Variants in FHIT observed in about 807,000 individuals in gnomAD.
The protein encoded by FHIT is fragile histidine triad diadenosine triphosphatase.
In FHIT, 19 loss-of-function variants were observed where a neutral mutation model predicts 17.9. The observed-to-expected ratio is 1.06, with a 90% confidence interval of 0.74 to 1.56. The LOEUF (loss-of-function observed/expected upper bound fraction) is 1.56, where lower values mean the gene tolerates loss of function less well. FHIT is among the 40% of genes most tolerant of loss of function. The pLI is 0.00. For missense variants in FHIT, 248 were observed against 189.2 expected (o/e 1.31, Z -1.82); for synonymous variants, 81 against 69.7 (o/e 1.16, Z -0.81).
chr3:60,433,081 T>C (rs1231970424), intron 5 of FHIT, among the ~76,000 whole-genome samples: 1 of 152,052 alleles, frequency 6.6e-6, no homozygotes, highest in Non-Finnish European at 1.5e-5. Flanking sequence ...AAACTCTCTA[T>C]TCATCCCTGC....
intron 8 of FHIT, among the ~76,000 whole-genome samples, chr3:59,785,411 G>A (rs905950142): frequency 2.0e-5 from 3 of 151,280 alleles, no homozygotes; most frequent in African/African-American, 7.3e-5. Flanking sequence ...CAGGGTTTAA[G>A]CAATTCTCCT....
At chr3:60,173,910 T>TATATAC (rs1701538428) in intron 5 of FHIT, among the ~76,000 whole-genome samples, 1 of 82,112 alleles carries the variant, frequency 1.2e-5, no homozygotes, top group Non-Finnish European at 2.2e-5. Context: ...TATATATATA[T>TATATAC]ATATATGTTT....
chr3:60,251,409 A>G (rs79440417), intron 5 of FHIT, among the ~76,000 whole-genome samples: 5,012 of 152,256 alleles, frequency 0.033, 278 homozygotes, highest in African/African-American at 0.12. Context: ...CCACCCTGAG[A>G]AAAAAGTACT....
At chr3:60,271,151 G>A (rs565363909) in intron 5 of FHIT, among the ~76,000 whole-genome samples, 188 of 152,174 alleles carry the variant, frequency 1.2e-3, no homozygotes, top group Admixed American at 2.2e-3. Context: ...TATAATCCCA[G>A]AACTTTGGGA....
At position 61,067,130 on chromosome 3, in the gene FHIT, A is replaced by G. The variant is rs143493985; in HGVS notation, c.-163-25031T>C. ...CATGACAGCATCTGCCACAGCTGCA[A>G]TGAAATTAGGTGGGGATAGGGAATG... is the stretch of plus-strand genomic sequence containing the variant. On this transcript the variant is annotated intron_variant, in intron 2 of 9. Coordinates refer to ENST00000492590, the MANE Select transcript of FHIT (RefSeq NM_002012.4). 6.8e-4 allele frequency among the ~76,000 whole-genome samples: 104 copies of G among 152,306 alleles called. 1 individual carries two copies. In the East Asian group the frequency reaches 0.017, roughly 25 times the overall value.
At chr3:60,938,489 G>A (rs1432907538) in intron 3 of FHIT, among the ~76,000 whole-genome samples, 2 of 152,178 alleles carry the variant, frequency 1.3e-5, no homozygotes, top group African/African-American at 4.8e-5. Context: ...AGTAGTCTAC[G>A]ATTTGCAGTA....
At chr3:60,134,518 G>A (rs1472324462) in intron 5 of FHIT, among the ~76,000 whole-genome samples, 1 of 152,152 alleles carries the variant, frequency 6.6e-6, no homozygotes, top group Non-Finnish European at 1.5e-5. Context: ...ACCTACATAG[G>A]TCATAGATTG....
intron 1 of FHIT, among the ~76,000 whole-genome samples, chr3:61,250,164 A>G (rs1304579646): frequency 2.6e-5 from 4 of 152,236 alleles, no homozygotes; most frequent in Non-Finnish European, 5.9e-5. Context: ...TCGCCGTGCA[A>G]AATGGCACGC....
At chr3:60,703,103 T>G (rs7618351) in intron 4 of FHIT, among the ~76,000 whole-genome samples, 17,745 of 152,144 alleles carry the variant, frequency 0.12, 2,297 homozygotes, top group African/African-American at 0.32. Flanking sequence ...CCAATGACTG[T>G]TGCCCTCATA....
At chr3:60,801,304 G>T (rs1383421199) in intron 4 of FHIT, among the ~76,000 whole-genome samples, 1 of 152,144 alleles carries the variant, frequency 6.6e-6, no homozygotes, top group Non-Finnish European at 1.5e-5. Flanking sequence ...ATGAAAATAG[G>T]GATGCCCAAT....
chr3:60,972,327 T>C (rs1488452326), intron 3 of FHIT, among the ~76,000 whole-genome samples: 1 of 152,182 alleles, frequency 6.6e-6, no homozygotes, highest in African/African-American at 2.4e-5. Flanking sequence ...TTTTGAAGGA[T>C]GTGTTCGGTA....
intron 8 of FHIT, among the ~76,000 whole-genome samples, chr3:59,865,024 T>C (rs1702580025): frequency 6.6e-6 from 1 of 152,164 alleles, no homozygotes. Context: ...CAGCCTAAAT[T>C]GAAACTGCCC....
Position 59,777,139 on chromosome 3 carries a change from C to T in FHIT, c.349-24818G>A, listed in dbSNP as rs540072914. On this transcript the variant is annotated intron_variant, in intron 8 of 9. Transcript: ENST00000492590. ...GAAAGGATTTCCCTTCTCCCATATCCACCTTCGAAATGTCAGGGTGGCCCA... is the reference window on the plus strand; with the variant it reads ...GAAAGGATTTCCCTTCTCCCATATCTACCTTCGAAATGTCAGGGTGGCCCA... Among the ~76,000 whole-genome samples the T allele has an allele frequency of 1.6e-4, 25 of 152,240 alleles. No homozygotes were observed. In the South Asian group the frequency reaches 4.4e-3, roughly 27 times the overall value.
intron 5 of FHIT, among the ~76,000 whole-genome samples, chr3:60,366,633 A>T (rs1464973521): frequency 6.6e-6 from 1 of 152,126 alleles, no homozygotes; most frequent in Non-Finnish European, 1.5e-5. Context: ...TTATAAAAGC[A>T]AGCTTTCTCT....
chr3:60,712,158 A>C (rs1468266754), intron 4 of FHIT, among the ~76,000 whole-genome samples: 1 of 152,216 alleles, frequency 6.6e-6, no homozygotes, highest in East Asian at 1.9e-4. Flanking sequence ...CCAGAATTTC[A>C]TATCCAGCCA....
At chr3:60,918,278 C>A (rs1707106563) in intron 3 of FHIT, among the ~76,000 whole-genome samples, 1 of 152,160 alleles carries the variant, frequency 6.6e-6, no homozygotes, top group Non-Finnish European at 1.5e-5. Flanking sequence ...AGTGTGAGAA[C>A]TGACTAATAC....
intron 3 of FHIT, among the ~76,000 whole-genome samples, chr3:60,853,103 C>G (rs1364962890): frequency 6.6e-6 from 1 of 152,048 alleles, no homozygotes; most frequent in Non-Finnish European, 1.5e-5. Flanking sequence ...ATAAGAGCCT[C>G]CTTTTTAGCC....
intron 5 of FHIT, among the ~76,000 whole-genome samples, chr3:60,364,987 C>T (rs751736632): frequency 6.6e-6 from 1 of 151,698 alleles, no homozygotes; most frequent in Non-Finnish European, 1.5e-5. Context: ...TGAGACTTCT[C>T]GGCCTCCTTA....
At chr3:60,224,178 T>C (rs1189906698) in intron 5 of FHIT, among the ~76,000 whole-genome samples, 8 of 152,112 alleles carry the variant, frequency 5.3e-5, no homozygotes, top group Non-Finnish European at 1.2e-4. Flanking sequence ...GGAGTACCGA[T>C]TTTATCCCCC....
Sources: gnomAD v4.1 joint callset for allele counts (sites outside exome capture counted in the v4.1 genomes callset) on GRCh38, gnomAD v4.1.1 for gene constraint, MANE v1.5 for transcripts, NCBI Gene and HGNC (gene_info 2026-07-23, HGNC 2026-07-21) for gene names.